Variants in C18orf54 observed in about 807,000 individuals in gnomAD.
C18orf54 encodes chromosome 18 open reading frame 54.
Under a neutral mutation model 49.3 loss-of-function variants are expected in C18orf54, and 49 were observed. The observed-to-expected ratio is 0.99, with a 90% CI of 0.79 to 1.26. The LOEUF (loss-of-function observed/expected upper bound fraction) is 1.26, where lower values mean the gene tolerates loss of function less well. Ranked by LOEUF, C18orf54 falls within the 50% of genes most tolerant of loss-of-function variation. The pLI is 0.00. For synonymous variants in C18orf54, 211 were observed against 216.6 expected (o/e 0.97, Z 0.23); for missense variants, 687 against 620.6 (o/e 1.11, Z -1.14).
At chr18:54,367,755 G>A (rs961044556) in intron 6 of C18orf54, among the ~76,000 whole-genome samples, 3 of 152,050 alleles carry the variant, frequency 2.0e-5, no homozygotes, top group African/African-American at 7.2e-5. Flanking sequence ...ATTCCCAGAC[G>A]TGGGAAATTT....
In C18orf54 at chr18:54,361,623, A is replaced by T; in HGVS notation, c.284-20A>T. The T allele has an allele frequency of 6.4e-7, 1 of 1,559,686 alleles. No individual in the cohort carries two copies. The highest frequency in any genetic ancestry group is 8.7e-7 in the Non-Finnish European group (1 of 1,155,412). ...TAAAATATTTGTATGTAATAAACAA[A>T]ACTGTTCTTCGTTTTTCAGCTTTTG... On this transcript the variant is annotated intron_variant, in intron 3 of 8. Coordinates refer to ENST00000620105, the MANE Select transcript of C18orf54 (RefSeq NM_001288980.2).
intron 6 of C18orf54, among the ~76,000 whole-genome samples, chr18:54,370,896 A>C (rs1190552359): frequency 1.3e-5 from 2 of 151,584 alleles, no homozygotes; most frequent in Non-Finnish European, 2.9e-5. Context: ...CTCAGATGCT[A>C]TCTCCCAGGG....
intron 1 of C18orf54, 70 bp downstream of exon 1, chr18:54,358,145 AG>A (rs1382531947): frequency 6.6e-6 from 1 of 152,198 alleles, no homozygotes; most frequent in Non-Finnish European, 1.5e-5. Flanking sequence ...GACGGAAAGG[AG>A]GGTGTCTTTT....
In C18orf54 at chr18:54,369,629, C is replaced by T. The variant is rs545242849; in HGVS notation, c.1327-2837C>T. ...GATTACAGGCACCCACCACTACACC[C>T]GGCTAATTTTTGTATTTTTAGTAGA... On this transcript the variant is annotated intron_variant, in intron 6 of 8. Transcript: ENST00000620105. 1.1e-3 allele frequency among the ~76,000 whole-genome samples: 160 copies of T among 152,032 alleles called. 1 individual carries two copies. Among genetic ancestry groups the T allele is most frequent in the African/African-American group, 3.5e-3 (145 of 41,486 alleles).
rs1163321426 is a variant in C18orf54, at chr18:54,362,410, C to T, written c.1051C>T (p.Gln351Ter). Residue 351 changes from glutamine to a stop codon, truncating the protein, a stop_gained, in exon 4 of 9, where the codon CAA (glutamine) becomes TAA (stop). Transcript: ENST00000620105. LOFTEE classifies it high-confidence loss of function. ...ATGTGAGAATCCACTTCTCCCAGGA[C>T]AATCCACAAAGCCATTCAGTGGTAA... ...CQCENPLLPG[Q>*]STKPFSGDKI... The T allele has an allele frequency of 1.3e-6, 2 of 1,522,784 alleles. No homozygotes were observed. The highest frequency in any genetic ancestry group is 1.2e-5 in the South Asian group (1 of 81,974). 94.3% of individuals were successfully genotyped at this position (1,522,784 alleles called of 1,614,324 possible). A position where few individuals can be genotyped will look rare whatever the true frequency, so the allele number is the denominator to read the frequency against.
chr18:54,375,034 A>G (rs1006626351), intron 8 of C18orf54, among the ~76,000 whole-genome samples: 1 of 152,000 alleles, frequency 6.6e-6, no homozygotes, highest in African/African-American at 2.4e-5. Context: ...TATAGTTTTC[A>G]TAGTTAAAAT....
rs1442267569 is a variant in C18orf54 at position 54,380,610 on chromosome 18, CACT to C, written c.*2365_*2367del. 6.6e-6 allele frequency: 1 copy of C among 151,976 alleles called. No homozygotes were observed. Among genetic ancestry groups the C allele is most frequent in the Non-Finnish European group, 1.5e-5 (1 of 67,938 alleles). The allele number at this position is 151,976 out of a possible 1,614,324, so 9.4% of individuals were successfully genotyped here. The stretch of plus-strand genomic sequence containing the variant: ...AGAGATTTCTGAGCAAATTAAGAAA[CACT>C]GTTTTCCTGGGTTTGTTTTGGGTAT... On this transcript the variant is annotated 3_prime_UTR_variant, in exon 9 of 9. Coordinates refer to ENST00000620105, the MANE Select transcript of C18orf54 (RefSeq NM_001288980.2).
rs528805050 is a variant in C18orf54, at chr18:54,376,430, C to A, written c.1530-1744C>A. 2.0e-5 allele frequency among the ~76,000 whole-genome samples: 3 copies of A among 152,192 alleles called. No individual in the cohort carries two copies. The South Asian group carries it at 6.2e-4, about 32-fold the overall frequency. ...GCCAGGCTTGTCTCAAACTCCTGAC[C>A]TCAGGTGATCCACCTGCCTCGGCCT... On this transcript the variant is annotated intron_variant, in intron 8 of 8. Coordinates refer to ENST00000620105, the MANE Select transcript of C18orf54 (RefSeq NM_001288980.2).
chr18:54,378,497 C>T lies in C18orf54; in HGVS notation c.*251C>T. On this transcript the variant is annotated 3_prime_UTR_variant, in exon 9 of 9. Coordinates refer to ENST00000620105, the MANE Select transcript of C18orf54 (RefSeq NM_001288980.2). Reference sequence around the variant, plus strand: ...TATCCTGAAGTCTTACTTTCGCCTTCTGGCCAGCAAATGTCTAATATTTAA... The same window carrying T: ...TATCCTGAAGTCTTACTTTCGCCTTTTGGCCAGCAAATGTCTAATATTTAA... The T allele has an allele frequency of 3.7e-6, 1 of 267,252 alleles. No homozygotes were observed. Among genetic ancestry groups the T allele is most frequent in the Non-Finnish European group, 7.0e-6 (1 of 142,440 alleles). 16.6% of individuals were successfully genotyped at this position (267,252 alleles called of 1,614,324 possible).
chr18:54,372,204 A>G (rs2089498044), intron 6 of C18orf54, among the ~76,000 whole-genome samples: 1 of 152,012 alleles, frequency 6.6e-6, no homozygotes, highest in Admixed American at 6.6e-5. Context: ...ATAAATATAA[A>G]CGTGCACTAT....
chr18:54,367,499 T>C (rs2089407559), intron 6 of C18orf54, among the ~76,000 whole-genome samples: 1 of 149,490 alleles, frequency 6.7e-6, no homozygotes, highest in Admixed American at 6.7e-5. Flanking sequence ...CTCCATATAG[T>C]ATCTTGGCTT....
chr18:54,372,672 CCTACTT>C, intron 7 of C18orf54, 75 bp downstream of exon 7: 1 of 1,352,824 alleles, frequency 7.4e-7, no homozygotes, highest in Non-Finnish European at 1.0e-6. Flanking sequence ...TTTTAATAGA[CCTACTT>C]ATAGTTTTAT....
chr18:54,371,603 C>A (rs1311776189), intron 6 of C18orf54, among the ~76,000 whole-genome samples: 1 of 152,034 alleles, frequency 6.6e-6, no homozygotes, highest in East Asian at 1.9e-4. Context: ...TTTACCTTTC[C>A]GCTCCATTTC....
At position 54,379,709 on chromosome 18, in the gene C18orf54, T is replaced by C. The variant is rs1437918374; in HGVS notation, c.*1463T>C. On this transcript the variant is annotated 3_prime_UTR_variant, in exon 9 of 9. Coordinates refer to ENST00000620105, the MANE Select transcript of C18orf54 (RefSeq NM_001288980.2). ...TTAAAGTATGCCTGGCTATTAAAAATGCAGATTTTAGGTGGGTAAACATCA... is the reference window on the plus strand; with the variant it reads ...TTAAAGTATGCCTGGCTATTAAAAACGCAGATTTTAGGTGGGTAAACATCA... 1.3e-5 allele frequency: 2 copies of C among 151,976 alleles called. No individual in the cohort carries two copies. The highest frequency in any genetic ancestry group is 2.9e-5 in the Non-Finnish European group (2 of 67,914). 9.4% of individuals were successfully genotyped at this position (151,976 alleles called of 1,614,324 possible). A position where few individuals can be genotyped will look rare whatever the true frequency, so the allele number is the denominator to read the frequency against.
At chr18:54,374,169 T>C (rs774198133) in intron 7 of C18orf54, 45 bp from the exon 8 acceptor site, 5 of 1,363,732 alleles carry the variant, frequency 3.7e-6, no homozygotes, top group Non-Finnish European at 5.0e-6. Context: ...ATTTTGTAGT[T>C]ATATAATTTT....
rs576867406 is a variant in C18orf54, at chr18:54,379,924, G to A, written c.*1678G>A. ...CTATTCGGTTAGTGCTCCTATTCAT[G>A]AGAACATATCTCCAATACTAAATGA... On this transcript the variant is annotated 3_prime_UTR_variant, in exon 9 of 9. Transcript: ENST00000620105. 3 of 152,150 alleles carry A rather than the reference G, an allele frequency of 2.0e-5. No individual in the cohort carries two copies. The highest frequency in any genetic ancestry group is 7.2e-5 in the African/African-American group (3 of 41,554). 9.4% of individuals were successfully genotyped at this position (152,150 alleles called of 1,614,324 possible). A position where few individuals can be genotyped will look rare whatever the true frequency, so the allele number is the denominator to read the frequency against.
intron 2 of C18orf54, among the ~76,000 whole-genome samples, chr18:54,360,312 A>G (rs1599322523): frequency 6.6e-6 from 1 of 152,206 alleles, no homozygotes; most frequent in Non-Finnish European, 1.5e-5. Context: ...TTCCAGCCAC[A>G]TAGTAGGTAC....
intron 5 of C18orf54, 83 bp downstream of exon 5, chr18:54,363,004 G>T: frequency 7.6e-7 from 1 of 1,308,198 alleles, no homozygotes; most frequent in Admixed American, 2.4e-5. Context: ...TTAAACGAAC[G>T]GTAATTAATA....
At position 54,371,461 on chromosome 18, in the gene C18orf54, A is replaced by G. The variant is rs2089485475; in HGVS notation, c.1327-1005A>G. 1.3e-5 allele frequency among the ~76,000 whole-genome samples: 2 copies of G among 152,166 alleles called. 1 individual carries two copies. Among genetic ancestry groups the G allele is most frequent in the Non-Finnish European group, 2.9e-5 (2 of 67,994 alleles). On this transcript the variant is annotated intron_variant, in intron 6 of 8. Coordinates refer to ENST00000620105, the MANE Select transcript of C18orf54 (RefSeq NM_001288980.2). ...ATTTTGTTGTGAACATGGGTATACAAATATCTACCCAAGTCCCTGTTTTCA... is the reference window on the plus strand; with the variant it reads ...ATTTTGTTGTGAACATGGGTATACAGATATCTACCCAAGTCCCTGTTTTCA...
Sources: allele counts gnomAD v4.1 joint callset (sites outside exome capture counted in the v4.1 genomes callset), GRCh38; gene constraint gnomAD v4.1.1; transcripts MANE v1.5; gene names NCBI Gene and HGNC (gene_info 2026-07-23, HGNC 2026-07-21).